Variants in NTN4 observed in about 807,000 individuals in gnomAD.
The protein encoded by NTN4 is netrin-4.
NTN4 carries 32 observed loss-of-function variants against 73.6 expected under a neutral mutation model. The ratio of observed to expected loss-of-function variants is 0.44; its 90% CI spans 0.33 to 0.58. The LOEUF is 0.58. Ranked by LOEUF, NTN4 falls within the 20% of genes least tolerant of loss-of-function variation. The probability of loss-of-function intolerance (pLI) is 0.04; values close to 1 mark genes in which losing one functional copy is unlikely to be tolerated. For missense variants in NTN4, 654 were observed against 798.3 expected, an observed-to-expected ratio of 0.82 and a Z score of 2.18; for synonymous variants, 258 against 287.5, an observed-to-expected ratio of 0.90 and a Z score of 1.04.
intron 2 of NTN4, among the ~76,000 whole-genome samples, chr12:95,759,658 T>C (rs780745053): frequency 6.6e-6 from 1 of 151,930 alleles, no homozygotes; most frequent in Non-Finnish European, 1.5e-5. Flanking sequence ...GACGGGGTTT[T>C]ACCATGTTGG....
At chr12:95,761,454 C>T (rs1031847440) in intron 2 of NTN4, among the ~76,000 whole-genome samples, 18 of 151,554 alleles carry the variant, frequency 1.2e-4, no homozygotes, top group African/African-American at 4.4e-4. Flanking sequence ...CTTCAGCCTC[C>T]AGAGTAGCTG....
intron 3 of NTN4, among the ~76,000 whole-genome samples, chr12:95,726,980 AATT>A: frequency 6.6e-6 from 1 of 151,854 alleles, no homozygotes; most frequent in African/African-American, 2.4e-5. Context: ...AAAAAAAAAA[AATT>A]TTTTTGGGGA....
At chr12:95,670,046 T>G in intron 8 of NTN4, 32 bp downstream of exon 8, 5 of 1,385,246 alleles carry the variant, frequency 3.6e-6, no homozygotes, top group Non-Finnish European at 5.0e-6. Flanking sequence ...TGTGAATAGG[T>G]TCTCAGAAGC....
At chr12:95,700,573 G>A (rs2431007) in intron 5 of NTN4, among the ~76,000 whole-genome samples, 123,175 of 151,850 alleles carry the variant, frequency 0.81, 50,088 homozygotes, top group South Asian at 0.86. Context: ...TGTCCAAACC[G>A]TTCTACTTTT....
intron 1 of NTN4, among the ~76,000 whole-genome samples, chr12:95,788,467 A>T (rs1394841841): frequency 6.6e-6 from 1 of 152,236 alleles, no homozygotes; most frequent in Non-Finnish European, 1.5e-5. Flanking sequence ...TGCGTTTGTC[A>T]TTTTAATTGT....
chr12:95,695,340 T>C (rs1021943369), intron 5 of NTN4, among the ~76,000 whole-genome samples: 12 of 152,150 alleles, frequency 7.9e-5, no homozygotes, highest in African/African-American at 2.7e-4. Flanking sequence ...AAATGCATAC[T>C]GCAAATAAAT....
chr12:95,700,795 CTTTT>C (rs1173800785), intron 5 of NTN4, among the ~76,000 whole-genome samples: 1 of 147,590 alleles, frequency 6.8e-6, no homozygotes, highest in South Asian at 2.2e-4. Context: ...TCTTCCCTTT[CTTTT>C]TTCTTTCTTT....
intron 2 of NTN4, among the ~76,000 whole-genome samples, chr12:95,740,958 C>T (rs767500537): frequency 1.3e-5 from 2 of 152,144 alleles, no homozygotes; most frequent in Non-Finnish European, 1.5e-5. Flanking sequence ...TGTGTTTCAA[C>T]AAGCCTTCCA....
At chr12:95,787,612 T>C (rs900258033) in intron 1 of NTN4, 144 bp from the exon 2 acceptor site, 5 of 713,054 alleles carry the variant, frequency 7.0e-6, no homozygotes, top group South Asian at 5.6e-5. Context: ...TGCTCCACCA[T>C]GTTCCTGTTT....
rs890653154 is a variant in NTN4 at position 95,790,577 on chromosome 12, T to C, written c.-268A>G. ...GGGAGCCCCGGGACCATAGCCGGCCTGGCTGCGCTGCCCCGCGGAGCGGCC... is the reference window on the plus strand; with the variant it reads ...GGGAGCCCCGGGACCATAGCCGGCCCGGCTGCGCTGCCCCGCGGAGCGGCC... On this transcript the variant is annotated 5_prime_UTR_variant, in exon 1 of 10. Coordinates refer to ENST00000343702, the MANE Select transcript of NTN4 (RefSeq NM_021229.4). The surrounding 1 kb of genome is among the most constrained non-coding windows in gnomAD (Gnocchi z 6.5). 1 of 283,310 alleles carries C rather than the reference T, an allele frequency of 3.5e-6. No individual in the cohort carries two copies. The highest frequency in any genetic ancestry group is 6.5e-6 in the Non-Finnish European group (1 of 153,246). 17.5% of individuals were successfully genotyped at this position (283,310 alleles called of 1,614,324 possible).
intron 2 of NTN4, among the ~76,000 whole-genome samples, chr12:95,769,751 C>CTTT (rs34093723): frequency 1.6e-3 from 189 of 117,038 alleles, no homozygotes; most frequent in Non-Finnish European, 2.0e-3. Context: ...AGGTTTCAAT[C>CTTT]TTTTTTTTTT....
intron 4 of NTN4, among the ~76,000 whole-genome samples, 190 bp downstream of exon 4, chr12:95,713,022 T>C (rs936829057): frequency 8.5e-5 from 13 of 152,204 alleles, no homozygotes; most frequent in East Asian, 3.9e-4. Context: ...AACAGTCACA[T>C]TGGCAATGTA....
intron 2 of NTN4, chr12:95,740,047 A>T (rs2078812125): frequency 6.6e-6 from 1 of 152,232 alleles, no homozygotes; most frequent in South Asian, 2.1e-4. Context: ...GCACGCGGAT[A>T]TCAGTAGGGA....
Position 95,788,993 on chromosome 12 carries a change from T to C in NTN4, c.55+1262A>G, listed in dbSNP as rs528092362. On this transcript the variant is annotated intron_variant, in intron 1 of 9. Transcript: ENST00000343702. ...TGGTTTGAGAAGGAAAAGGTTTTTT[T>C]TAAAGCTCATATTTTAAGAGTGCAA... Among the ~76,000 whole-genome samples, 4 of 152,356 alleles carry C rather than the reference T, an allele frequency of 2.6e-5. No homozygotes were observed. The South Asian group carries it at 8.3e-4, about 32-fold the overall frequency.
chr12:95,741,486 C>A (rs2078826503), intron 2 of NTN4, among the ~76,000 whole-genome samples: 1 of 114,790 alleles, frequency 8.7e-6, no homozygotes, highest in African/African-American at 3.2e-5. Context: ...TCCTCCATGC[C>A]AACCTGGAGG....
intron 7 of NTN4, chr12:95,672,774 G>T: frequency 1.5e-6 from 2 of 1,324,536 alleles, no homozygotes; most frequent in Admixed American, 3.4e-5. Flanking sequence ...AGAGTCTGAA[G>T]GACACTATTG....
chr12:95,698,788 T>C (rs909950961), intron 5 of NTN4, among the ~76,000 whole-genome samples: 2 of 152,050 alleles, frequency 1.3e-5, no homozygotes, highest in Admixed American at 6.6e-5. Context: ...GCCCAGGAGT[T>C]TGAGGCTGCA....
In NTN4 at chr12:95,683,531, C is replaced by A. The variant is rs752532972; in HGVS notation, c.1361G>T (p.Ser454Ile). Residue 454 changes from serine to isoleucine, a missense_variant, in exon 6 of 10, where the codon AGC (serine) becomes ATC (isoleucine). Transcript: ENST00000343702. Reference protein sequence around the residue: ...YGCRPCDCAGSCDPITGDCIS... With the variant: ...YGCRPCDCAGICDPITGDCIS... ...GCAGTCTCCGGTGATAGGGTCACAG[C>A]TCCCCGCACAGTCACATGGTCGACA... is the stretch of plus-strand genomic sequence containing the variant. 4 of 1,614,074 alleles carry A rather than the reference C, an allele frequency of 2.5e-6. No homozygotes were observed. Among genetic ancestry groups the A allele is most frequent in the Admixed American group, 3.3e-5 (2 of 60,010 alleles).
intron 3 of NTN4, among the ~76,000 whole-genome samples, chr12:95,732,396 CTTTTTTTTTT>C (rs35575824): frequency 1.7e-4 from 19 of 112,842 alleles, no homozygotes; most frequent in Admixed American, 9.2e-4. Context: ...CTTTCTTCCT[CTTTTTTTTTT>C]TTTTTTTTTT....
Sources: gnomAD v4.1 joint callset for allele counts (sites outside exome capture counted in the v4.1 genomes callset) on GRCh38, gnomAD v4.1.1 for gene constraint, Gnocchi (gnomAD v3.1) non-coding constraint, MANE v1.5 for transcripts, NCBI Gene and HGNC (gene_info 2026-07-23, HGNC 2026-07-21) for gene names.